Variants in FERMT2 observed in about 807,000 individuals in gnomAD.
The protein encoded by FERMT2 is fermitin family homolog 2.
FERMT2 carries 15 observed loss-of-function variants against 82.7 expected under a neutral mutation model. That is an observed-to-expected ratio of 0.18 (90% CI 0.12 to 0.28). The LOEUF (loss-of-function observed/expected upper bound fraction) is 0.28. Ranked by LOEUF, FERMT2 falls within the 10% of genes least tolerant of loss-of-function variation. FERMT2 has a pLI of 1.00. For synonymous variants in FERMT2, 274 were observed against 271.5 expected, an observed-to-expected ratio of 1.01 and a Z score of -0.09; for missense variants, 645 against 809.4, an observed-to-expected ratio of 0.80 and a Z score of 2.46.
chr14:52,884,737 A>G (rs1886489241), intron 4 of FERMT2, among the ~76,000 whole-genome samples: 1 of 151,682 alleles, frequency 6.6e-6, no homozygotes, highest in African/African-American at 2.4e-5. Context: ...AAGGTGGCTC[A>G]TGCCTGTAAT....
chr14:52,860,066 C>T (rs1884829887), intron 13 of FERMT2: 4 of 318,932 alleles, frequency 1.3e-5, no homozygotes, highest in Non-Finnish European at 1.7e-5. Flanking sequence ...ATCCACCCAC[C>T]TCGGCCTCCC....
intron 4 of FERMT2, among the ~76,000 whole-genome samples, chr14:52,882,968 C>T (rs1399696805): frequency 3.3e-5 from 5 of 151,942 alleles, no homozygotes; most frequent in South Asian, 2.1e-4. Flanking sequence ...GAGGCTGAGG[C>T]GGTTGAATCA....
chr14:52,938,426 T>TA (rs1298270990), intron 2 of FERMT2, among the ~76,000 whole-genome samples: 1 of 152,254 alleles, frequency 6.6e-6, no homozygotes, highest in Non-Finnish European at 1.5e-5. Flanking sequence ...ATACCATATT[T>TA]AGTCAATACA....
chr14:52,889,817 C>A (rs189856488), intron 4 of FERMT2, among the ~76,000 whole-genome samples: 3 of 152,274 alleles, frequency 2.0e-5, no homozygotes, highest in Non-Finnish European at 2.9e-5. Flanking sequence ...CTAAACATCT[C>A]TAAACATAGA....
chr14:52,933,725 AAAAAAAAAAAAAG>A (rs1258510335), intron 2 of FERMT2, among the ~76,000 whole-genome samples: 17 of 149,674 alleles, frequency 1.1e-4, no homozygotes, highest in East Asian at 7.9e-4. Context: ...AAAAAAAAAA[AAAAAAAAAAAAAG>A]GGAAAAGAAA....
chr14:52,927,000 T>A (rs1271517066), intron 2 of FERMT2, among the ~76,000 whole-genome samples: 3 of 152,172 alleles, frequency 2.0e-5, no homozygotes, highest in African/African-American at 4.8e-5. Flanking sequence ...CACGTGCACA[T>A]AACAGTATCT....
intron 2 of FERMT2, among the ~76,000 whole-genome samples, chr14:52,919,993 C>T (rs1888860322): frequency 6.6e-6 from 1 of 152,216 alleles, no homozygotes; most frequent in Non-Finnish European, 1.5e-5. Context: ...GTCACACTGC[C>T]CAACATTTTT....
At chr14:52,919,444 T>G in intron 2 of FERMT2, 88 bp from the exon 3 acceptor site, 1 of 832,512 alleles carries the variant, frequency 1.2e-6, no homozygotes, top group Non-Finnish European at 1.8e-6. Context: ...TAATTGGGTA[T>G]TTAACAGCAA....
intron 12 of FERMT2, chr14:52,863,511 T>G (rs958095863): frequency 1.3e-5 from 2 of 152,286 alleles, no homozygotes; most frequent in South Asian, 2.1e-4. Flanking sequence ...CTATACCAAG[T>G]GAAATTCCCC....
chr14:52,909,369 G>T (rs954653100), intron 3 of FERMT2, among the ~76,000 whole-genome samples: 1 of 152,144 alleles, frequency 6.6e-6, no homozygotes, highest in African/African-American at 2.4e-5. Context: ...AGGAACTGAG[G>T]GATGGAAAGA....
chr14:52,934,113 C>T (rs1011796125), intron 2 of FERMT2, among the ~76,000 whole-genome samples: 2 of 152,106 alleles, frequency 1.3e-5, no homozygotes, highest in African/African-American at 4.8e-5. Context: ...GTCTCAAAAG[C>T]AGAGACCAGA....
chr14:52,873,883 G>A (rs188511901), intron 9 of FERMT2, among the ~76,000 whole-genome samples: 143 of 152,092 alleles, frequency 9.4e-4, no homozygotes, highest in South Asian at 5.2e-3. Context: ...ACTGAGGCCC[G>A]GAGGGGCTGT....
At chr14:52,911,325 A>G (rs1266775556) in intron 3 of FERMT2, among the ~76,000 whole-genome samples, 3 of 152,136 alleles carry the variant, frequency 2.0e-5, no homozygotes, top group South Asian at 2.1e-4. Flanking sequence ...AAAATATAAG[A>G]GCCTAATTAT....
At chr14:52,892,341 C>T (rs866259871) in intron 4 of FERMT2, among the ~76,000 whole-genome samples, 3 of 151,828 alleles carry the variant, frequency 2.0e-5, no homozygotes, top group African/African-American at 7.3e-5. Flanking sequence ...GGGGTTTCAC[C>T]ACGTTGGCCA....
chr14:52,890,939 A>G (rs549931572), intron 4 of FERMT2, among the ~76,000 whole-genome samples: 11 of 152,146 alleles, frequency 7.2e-5, no homozygotes, highest in African/African-American at 2.4e-4. Flanking sequence ...CTCAACCTAC[A>G]GGCTTCCACC....
intron 2 of FERMT2, among the ~76,000 whole-genome samples, chr14:52,919,567 T>C (rs1224388838): frequency 2.6e-5 from 4 of 152,138 alleles, no homozygotes; most frequent in East Asian, 1.9e-4. Flanking sequence ...GCAGAATATA[T>C]AGGGCAACTA....
chr14:52,928,354 T>C (rs1295034217), intron 2 of FERMT2: 1 of 159,860 alleles, frequency 6.3e-6, no homozygotes, highest in Non-Finnish European at 1.4e-5. Context: ...ACTTTTGTTT[T>C]AGGATCCTCT....
intron 2 of FERMT2, among the ~76,000 whole-genome samples, chr14:52,927,311 C>CT (rs1889327946): frequency 6.6e-6 from 1 of 151,894 alleles, no homozygotes; most frequent in Non-Finnish European, 1.5e-5. Flanking sequence ...AAGCTTTTTG[C>CT]TAGAGAAAAT....
intron 4 of FERMT2, among the ~76,000 whole-genome samples, chr14:52,885,993 T>TA (rs1462499712): frequency 1.3e-5 from 2 of 149,724 alleles, no homozygotes; most frequent in African/African-American, 4.9e-5. Flanking sequence ...TGCCAGTATA[T>TA]AAAGGGAAGT....
Sources: gnomAD v4.1 joint callset for allele counts (sites outside exome capture counted in the v4.1 genomes callset) on GRCh38, gnomAD v4.1.1 for gene constraint, MANE v1.5 for transcripts, NCBI Gene and HGNC (gene_info 2026-07-23, HGNC 2026-07-21) for gene names.